ACVR1C: variants seen among roughly 807,000 people sequenced by gnomAD.
ACVR1C encodes activin receptor type-1C.
In ACVR1C, 23 loss-of-function variants were observed where a neutral mutation model predicts 57.9. The observed-to-expected ratio is 0.40, with a 90% CI of 0.29 to 0.56. ACVR1C has a LOEUF of 0.56. ACVR1C is among the 20% of genes least tolerant of loss of function. The pLI is 0.50. For missense variants in ACVR1C, 480 were observed against 607.9 expected (o/e 0.79, Z 2.21); for synonymous variants, 214 against 215.3 (o/e 0.99, Z 0.05).
chr2:157,535,143 CAAAAAAA>C (rs11349149), intron 8 of ACVR1C, among the ~76,000 whole-genome samples: 1 of 95,998 alleles, frequency 1.0e-5, no homozygotes, highest in Admixed American at 1.1e-4. Flanking sequence ...AGACTCTGTC[CAAAAAAA>C]AAAAAAAAAA....
chr2:157,562,555 G>T (rs1688267506), intron 2 of ACVR1C, among the ~76,000 whole-genome samples: 1 of 151,468 alleles, frequency 6.6e-6, no homozygotes, highest in Non-Finnish European at 1.5e-5. Flanking sequence ...GAGAGGAGCT[G>T]GTACCATTCC....
intron 7 of ACVR1C, 91 bp downstream of exon 7, chr2:157,540,999 T>C (rs1687613198): frequency 4.2e-6 from 6 of 1,426,314 alleles, no homozygotes; most frequent in Non-Finnish European, 4.8e-6. Flanking sequence ...ACTGATTGAA[T>C]ATAGTGCTTA....
At chr2:157,597,392 C>G in intron 1 of ACVR1C, 2 of 985,520 alleles carry the variant, frequency 2.0e-6, no homozygotes, top group Non-Finnish European at 2.4e-6. Context: ...GGAGCCCTCC[C>G]CCAGAGCAGC....
At chr2:157,551,997 C>T (rs1349521917) in intron 3 of ACVR1C, among the ~76,000 whole-genome samples, 2 of 152,208 alleles carry the variant, frequency 1.3e-5, no homozygotes, top group Non-Finnish European at 2.9e-5. Flanking sequence ...ACTGAGGCCC[C>T]TCGATAATCA....
At chr2:157,587,067 A>G (rs2105256323) in intron 2 of ACVR1C, 120 bp downstream of exon 2, 1 of 957,668 alleles carries the variant, frequency 1.0e-6, no homozygotes, top group East Asian at 2.6e-5. Flanking sequence ...CAAAATCAAA[A>G]AGAGAACTGT....
chr2:157,536,126 A>C (rs1202872948), intron 8 of ACVR1C, among the ~76,000 whole-genome samples: 2 of 152,384 alleles, frequency 1.3e-5, no homozygotes, highest in African/African-American at 4.8e-5. Context: ...GATACATACC[A>C]TAATGACACA....
intron 1 of ACVR1C, among the ~76,000 whole-genome samples, chr2:157,592,799 G>C (rs1689076425): frequency 6.6e-6 from 1 of 152,150 alleles, no homozygotes; most frequent in Non-Finnish European, 1.5e-5. Flanking sequence ...AAAAAAAACT[G>C]ATGTTCATTG....
chr2:157,617,287 A>G (rs762851754), intron 1 of ACVR1C, among the ~76,000 whole-genome samples: 11 of 152,094 alleles, frequency 7.2e-5, no homozygotes, highest in Non-Finnish European at 1.2e-4. Context: ...TTCAAAATAT[A>G]TAAAATAGAA....
At chr2:157,554,287 G>GGAAAGAAGGAAA (rs1457553628) in intron 3 of ACVR1C, among the ~76,000 whole-genome samples, 1 of 126,234 alleles carries the variant, frequency 7.9e-6, no homozygotes, top group African/African-American at 3.6e-5. Flanking sequence ...AAGGAAGAGA[G>GGAAAGAAGGAAA]AGAGAGAGAG....
intron 1 of ACVR1C, among the ~76,000 whole-genome samples, chr2:157,596,091 A>G (rs1682101169): frequency 6.6e-6 from 1 of 152,254 alleles, no homozygotes; most frequent in Admixed American, 6.5e-5. Context: ...ATAAAGATGT[A>G]CTGAATTACA....
chr2:157,538,752 CAT>C lies in ACVR1C; in HGVS notation c.1226-51_1226-50del, dbSNP rs763182746. 7 of 1,413,068 alleles carry C rather than the reference CAT, an allele frequency of 5.0e-6. No homozygotes were observed. The African/African-American group carries it at 1.0e-4, about 21-fold the overall frequency. The allele number at this position is 1,413,068 out of a possible 1,614,324, so 87.5% of individuals were successfully genotyped here. On this transcript the variant is annotated intron_variant, in intron 7 of 8. Coordinates refer to ENST00000243349, the MANE Select transcript of ACVR1C (RefSeq NM_145259.3). ...TTTCCATGTGCAAATAATAAACAAACATGTCTATTTTAAATAATACCAATTAA... is the reference window on the plus strand; with the variant it reads ...TTTCCATGTGCAAATAATAAACAAACGTCTATTTTAAATAATACCAATTAA...
intron 1 of ACVR1C, among the ~76,000 whole-genome samples, chr2:157,613,637 C>G (rs954793900): frequency 6.6e-6 from 1 of 152,104 alleles, no homozygotes; most frequent in Non-Finnish European, 1.5e-5. Flanking sequence ...ATATGGTTTT[C>G]TTTAGTCTGC....
intron 1 of ACVR1C, chr2:157,597,438 T>G (rs977655679): frequency 3.0e-6 from 3 of 985,410 alleles, no homozygotes; most frequent in Non-Finnish European, 3.6e-6. Flanking sequence ...GCCTGATGAA[T>G]TTGCGAAGGG....
chr2:157,543,019 C>A (rs1399714002), intron 5 of ACVR1C, among the ~76,000 whole-genome samples, 157 bp from the exon 6 acceptor site: 1 of 152,092 alleles, frequency 6.6e-6, no homozygotes, highest in African/African-American at 2.4e-5. Flanking sequence ...TATGTACATG[C>A]TGAATCATCT....
intron 1 of ACVR1C, among the ~76,000 whole-genome samples, chr2:157,625,651 C>CCCCACTCT (rs1559001166): frequency 1.3e-5 from 2 of 151,776 alleles, no homozygotes; most frequent in African/African-American, 2.4e-5. Flanking sequence ...TACTTGAAAC[C>CCCCACTCT]CCCACTCTCA....
At chr2:157,549,998 G>A (rs192652731) in intron 4 of ACVR1C, among the ~76,000 whole-genome samples, 164 bp downstream of exon 4, 1,639 of 76,300 alleles carry the variant, frequency 0.021, 26 homozygotes, top group African/African-American at 0.067. Context: ...GCCAGATTAC[G>A]TCTCAAAAAA....
intron 1 of ACVR1C, 145 bp downstream of exon 1, chr2:157,628,427 C>G: frequency 1.1e-6 from 1 of 943,678 alleles, no homozygotes; most frequent in Non-Finnish European, 1.6e-6. Context: ...CTATCCCGCG[C>G]CCCCTCAATC....
At chr2:157,589,085 T>A (rs1465639529) in intron 1 of ACVR1C, among the ~76,000 whole-genome samples, 2 of 151,734 alleles carry the variant, frequency 1.3e-5, no homozygotes, top group East Asian at 3.8e-4. Flanking sequence ...TAGTTCCATA[T>A]TTAGTTCTTT....
intron 1 of ACVR1C, among the ~76,000 whole-genome samples, chr2:157,598,315 T>G (rs1682189406): frequency 6.6e-6 from 1 of 151,386 alleles, no homozygotes; most frequent in African/African-American, 2.4e-5. Context: ...ACCTCATAAA[T>G]ATATACAATT....
Sources: allele counts gnomAD v4.1 joint callset (sites outside exome capture counted in the v4.1 genomes callset), GRCh38; gene constraint gnomAD v4.1.1; transcripts MANE v1.5; gene names NCBI Gene and HGNC (gene_info 2026-07-23, HGNC 2026-07-21).